Variants in RPH3A observed in about 807,000 individuals in gnomAD.
RPH3A encodes the protein rabphilin 3A.
Under a neutral mutation model 102.2 loss-of-function variants are expected in RPH3A, and 48 were observed. The ratio of observed to expected loss-of-function variants is 0.47; its 90% CI spans 0.37 to 0.60. RPH3A has a LOEUF of 0.60. Ranked by LOEUF, RPH3A falls within the 20% of genes least tolerant of loss-of-function variation. The pLI, the probability that RPH3A is intolerant of heterozygous loss-of-function variation, is 0.00. For synonymous variants in RPH3A, 310 were observed against 324.3 expected (o/e 0.96, Z 0.47); for missense variants, 781 against 910.1 (o/e 0.86, Z 1.83).
intron 1 of RPH3A, among the ~76,000 whole-genome samples, chr12:112,602,346 T>G (rs1304921333): frequency 1.3e-5 from 2 of 152,104 alleles, no homozygotes; most frequent in African/African-American, 4.8e-5. Context: ...AGGCTCAAAA[T>G]GGAGCTTGCT....
At chr12:112,896,337 A>G (rs531295852) in intron 21 of RPH3A, among the ~76,000 whole-genome samples, 1 of 152,346 alleles carries the variant, frequency 6.6e-6, no homozygotes, top group East Asian at 1.9e-4. Flanking sequence ...TTGGAAATAG[A>G]CAATGAGTTC....
At chr12:112,608,408 G>A (rs566425422) in intron 1 of RPH3A, among the ~76,000 whole-genome samples, 3 of 152,190 alleles carry the variant, frequency 2.0e-5, no homozygotes, top group South Asian at 2.1e-4. Context: ...GAGCTATCCC[G>A]CCTGGCTGAC....
At chr12:112,877,419 T>TACACACACACACACACACACAC (rs3038114) in intron 13 of RPH3A, among the ~76,000 whole-genome samples, 51 of 141,656 alleles carry the variant, frequency 3.6e-4, no homozygotes, top group Admixed American at 3.2e-3. Context: ...CACACACGTA[T>TACACACACACACACACACACAC]ACACACACAC....
chr12:112,594,232 TATTTCATTCACAAACTAC>T (rs1348934749), intron 1 of RPH3A, among the ~76,000 whole-genome samples: 6 of 152,194 alleles, frequency 3.9e-5, no homozygotes, highest in Non-Finnish European at 7.4e-5. Flanking sequence ...ATTCCACAAT[TATTTCATTCACAAACTAC>T]CCTCTCATTC....
rs190856148 is a variant in RPH3A at position 112,807,543 on chromosome 12, G to A, written c.-19+15280G>A. Among the ~76,000 whole-genome samples the A allele has an allele frequency of 4.1e-3, 631 of 152,246 alleles. 4 individuals are homozygous for A. Among genetic ancestry groups the A allele is most frequent in the African/African-American group, 0.014 (602 of 41,540 alleles). ...CTTGAACGAGTTACCAAATCTCTCT[G>A]CATCTCAGTTTCTTCATGTGGGAAA... On this transcript the variant is annotated intron_variant, in intron 2 of 21. Transcript: ENST00000389385.
intron 3 of RPH3A, among the ~76,000 whole-genome samples, chr12:112,832,173 C>G (rs959353912): frequency 6.6e-6 from 1 of 152,066 alleles, no homozygotes; most frequent in Non-Finnish European, 1.5e-5. Flanking sequence ...TATTTTATAT[C>G]TCTTTACCTC....
rs189993533 is a variant in RPH3A, at chr12:112,649,725, A to G, written c.-140+74406A>G. Reference sequence around the variant, plus strand: ...TACGGCTGCCATAACAAAATGCCACAGGCTGGGTGGCTTAAACAATGGCAA... The same window carrying G: ...TACGGCTGCCATAACAAAATGCCACGGGCTGGGTGGCTTAAACAATGGCAA... On this transcript the variant is annotated intron_variant, in intron 1 of 21. Coordinates refer to the RPH3A transcript ENST00000543106. 5.3e-5 allele frequency among the ~76,000 whole-genome samples: 8 copies of G among 152,336 alleles called. No individual in the cohort carries two copies. The East Asian group carries it at 1.4e-3, about 26-fold the overall frequency.
At chr12:112,875,022 T>C in intron 10 of RPH3A, 62 bp from the exon 11 acceptor site, 1 of 1,422,442 alleles carries the variant, frequency 7.0e-7, no homozygotes, top group South Asian at 1.3e-5. Context: ...GGTCCCAAGC[T>C]CCTTCCTGCT....
At chr12:112,575,903 C>T (rs1467342532) in intron 1 of RPH3A, among the ~76,000 whole-genome samples, 2 of 152,152 alleles carry the variant, frequency 1.3e-5, no homozygotes, top group Admixed American at 6.5e-5. Flanking sequence ...AGGGCGTCTC[C>T]GCCCCTCACC....
At chr12:112,808,579 T>C (rs2041512775) in intron 2 of RPH3A, among the ~76,000 whole-genome samples, 1 of 152,214 alleles carries the variant, frequency 6.6e-6, no homozygotes, top group Non-Finnish European at 1.5e-5. Context: ...CATGCCTGAA[T>C]TACTAGCTGT....
At chr12:112,728,608 A>T (rs2040612387) in intron 1 of RPH3A, among the ~76,000 whole-genome samples, 1 of 152,208 alleles carries the variant, frequency 6.6e-6, no homozygotes, top group African/African-American at 2.4e-5. Context: ...TAACCTTAAA[A>T]GAATTTACCA....
At chr12:112,773,959 G>A (rs543766857) in intron 1 of RPH3A, among the ~76,000 whole-genome samples, 6 of 151,062 alleles carry the variant, frequency 4.0e-5, no homozygotes, top group Middle Eastern at 3.4e-3. Context: ...GCTCATGCCT[G>A]TAATCCCAGC....
At chr12:112,878,292 C>T (rs1051776163) in intron 13 of RPH3A, among the ~76,000 whole-genome samples, 10 of 152,200 alleles carry the variant, frequency 6.6e-5, no homozygotes, top group African/African-American at 2.4e-4. Flanking sequence ...ATGTCCCCAA[C>T]CCACCAAGCA....
In RPH3A at chr12:112,680,092, G is replaced by T. The variant is rs77753011; in HGVS notation, c.-140+104773G>T. Among the ~76,000 whole-genome samples, 1,082 of 152,268 alleles carry T rather than the reference G, an allele frequency of 7.1e-3. 115 individuals carry two copies. The East Asian group carries it at 0.2, about 29-fold the overall frequency. On this transcript the variant is annotated intron_variant, in intron 1 of 21. Transcript: ENST00000543106. ...ACCTAGGTGGGGAATCAAGGAATGGGGGCAGAAAAGGCTATGGGGATGCAG... is the reference window on the plus strand; with the variant it reads ...ACCTAGGTGGGGAATCAAGGAATGGTGGCAGAAAAGGCTATGGGGATGCAG...
intron 2 of RPH3A, among the ~76,000 whole-genome samples, chr12:112,823,400 T>C (rs1424591681): frequency 6.6e-6 from 1 of 152,190 alleles, no homozygotes; most frequent in African/African-American, 2.4e-5. Context: ...CCATCTACCT[T>C]GGAGTAGGAT....
chr12:112,754,830 G>A (rs901782069), intron 1 of RPH3A, among the ~76,000 whole-genome samples: 1 of 152,030 alleles, frequency 6.6e-6, no homozygotes, highest in Non-Finnish European at 1.5e-5. Flanking sequence ...CTCAACCTTG[G>A]CTTCACACTA....
intron 1 of RPH3A, among the ~76,000 whole-genome samples, chr12:112,725,758 G>A (rs539293334): frequency 1.6e-5 from 2 of 126,636 alleles, no homozygotes; most frequent in Non-Finnish European, 3.3e-5. Flanking sequence ...GGGAAGATGA[G>A]TGTAGTTTTT....
In RPH3A at chr12:112,665,906, GAA is replaced by G. The variant is rs372689388; in HGVS notation, c.-140+90589_-140+90590del. The stretch of plus-strand genomic sequence containing the variant: ...AGATTTTAGAAACATCAGATTTCCT[GAA>G]AGTTACTTTGCCACTGCAAAGCCTT... On this transcript the variant is annotated intron_variant, in intron 1 of 21. Transcript: ENST00000543106. Among the ~76,000 whole-genome samples the G allele has an allele frequency of 2.0e-4, 31 of 152,260 alleles. No individual in the cohort carries two copies. In the East Asian group the frequency reaches 5.8e-3, roughly 28 times the overall value.
intron 1 of RPH3A, among the ~76,000 whole-genome samples, chr12:112,599,029 T>G (rs959206298): frequency 2.6e-5 from 4 of 152,234 alleles, no homozygotes; most frequent in African/African-American, 9.6e-5. Context: ...AATTAACCTC[T>G]TTGTTCCGCA....
Sources: allele counts gnomAD v4.1 joint callset (sites outside exome capture counted in the v4.1 genomes callset), GRCh38; gene constraint gnomAD v4.1.1; transcripts MANE v1.5; gene names NCBI Gene and HGNC (gene_info 2026-07-23, HGNC 2026-07-21).